The following ADGRL4 variants were observed in gnomAD, a reference collection of about 807,000 sequenced individuals.
ADGRL4 encodes the protein EGF, latrophilin and seven transmembrane domain containing 1.
ADGRL4 carries 90 observed loss-of-function variants against 74.8 expected under a neutral mutation model. The observed-to-expected ratio is 1.20, with a 90% CI of 1.02 to 1.43. The LOEUF is 1.43. Ranked by LOEUF, ADGRL4 falls within the 40% of genes most tolerant of loss-of-function variation. The pLI is 0.00. For missense variants in ADGRL4, 881 were observed against 814.3 expected (o/e 1.08, Z -1.00); for synonymous variants, 311 against 279.2 (o/e 1.11, Z -1.14).
chr1:79,005,578 CT>C (rs1374687563), intron 1 of ADGRL4, among the ~76,000 whole-genome samples: 2 of 152,148 alleles, frequency 1.3e-5, no homozygotes, highest in East Asian at 3.9e-4. Flanking sequence ...AGGGAACTGC[CT>C]GATTGTAAAG....
chr1:78,945,848 G>C (rs915512869), intron 3 of ADGRL4, among the ~76,000 whole-genome samples: 4 of 152,004 alleles, frequency 2.6e-5, no homozygotes, highest in African/African-American at 9.7e-5. Context: ...TTTTATAAAT[G>C]ATGATTGTCT....
intron 2 of ADGRL4, among the ~76,000 whole-genome samples, chr1:78,970,312 A>T (rs539561928): frequency 5.3e-4 from 81 of 152,360 alleles, no homozygotes; most frequent in African/African-American, 1.9e-3. Flanking sequence ...GCAGGTAAGC[A>T]TGGCTAATTA....
intron 12 of ADGRL4, among the ~76,000 whole-genome samples, chr1:78,906,252 AT>A (rs1648632285): frequency 6.6e-6 from 1 of 152,040 alleles, no homozygotes; most frequent in Admixed American, 6.6e-5. Flanking sequence ...CTATTTAATT[AT>A]GGCTAAAATC....
chr1:78,983,971 A>T lies in ADGRL4; in HGVS notation c.172+21099T>A, dbSNP rs1003752732. ...AACAAACACAAAATTTATCAGGTGAACTTCAGGACAAAGAATAGTGAACTC... is the reference window on the plus strand; with the variant it reads ...AACAAACACAAAATTTATCAGGTGATCTTCAGGACAAAGAATAGTGAACTC... On this transcript the variant is annotated intron_variant, in intron 2 of 14. Coordinates refer to ENST00000370742, the MANE Select transcript of ADGRL4 (RefSeq NM_022159.4). Among the ~76,000 whole-genome samples the T allele has an allele frequency of 4.6e-5, 7 of 151,938 alleles. No homozygotes were observed. The South Asian group carries it at 1.5e-3, about 31-fold the overall frequency.
intron 2 of ADGRL4, among the ~76,000 whole-genome samples, chr1:78,965,126 C>G (rs141465161): frequency 3.3e-5 from 5 of 152,186 alleles, no homozygotes; most frequent in Admixed American, 3.3e-4. Context: ...TTATAATTAT[C>G]TAGTCCAGAG....
chr1:78,906,839 G>C (rs560077125), intron 12 of ADGRL4, among the ~76,000 whole-genome samples: 1 of 152,016 alleles, frequency 6.6e-6, no homozygotes, highest in East Asian at 1.9e-4. Flanking sequence ...TAAAATTATT[G>C]CCAATTTAAT....
intron 2 of ADGRL4, among the ~76,000 whole-genome samples, chr1:78,975,454 C>G (rs1650257665): frequency 6.6e-6 from 1 of 151,980 alleles, no homozygotes; most frequent in African/African-American, 2.4e-5. Context: ...AATTATCTGT[C>G]TATCCCAACT....
In ADGRL4 at chr1:78,948,696, A is replaced by C. The variant is rs190119485; in HGVS notation, c.173-2270T>G. On this transcript the variant is annotated intron_variant, in intron 2 of 14. Transcript: ENST00000370742. ...GGCTATATATACTCAGAAAGTAGAT[A>C]TGTATGTCTATGAATGCATAAAATA... Among the ~76,000 whole-genome samples, 309 of 152,284 alleles carry C rather than the reference A, an allele frequency of 2.0e-3. 1 individual carries two copies. The highest frequency in any genetic ancestry group is 4.0e-3 in the Non-Finnish European group (270 of 67,988).
intron 2 of ADGRL4, among the ~76,000 whole-genome samples, chr1:78,960,246 A>C (rs1649922776): frequency 6.6e-6 from 1 of 152,212 alleles, no homozygotes; most frequent in Non-Finnish European, 1.5e-5. Flanking sequence ...AAAACTATTA[A>C]ATTTTGCAAA....
chr1:78,980,166 G>A (rs569581576), intron 2 of ADGRL4, among the ~76,000 whole-genome samples: 1 of 151,122 alleles, frequency 6.6e-6, no homozygotes, highest in Non-Finnish European at 1.5e-5. Flanking sequence ...TCATGCGTGT[G>A]CACACACACA....
chr1:78,938,548 A>G (rs778478333), intron 4 of ADGRL4, among the ~76,000 whole-genome samples: 3 of 152,118 alleles, frequency 2.0e-5, no homozygotes, highest in Non-Finnish European at 2.9e-5. Flanking sequence ...TGAGCTTTCA[A>G]AATAACTTCC....
At chr1:78,905,401 G>A (rs1648615094) in intron 12 of ADGRL4, among the ~76,000 whole-genome samples, 1 of 151,954 alleles carries the variant, frequency 6.6e-6, no homozygotes, top group Non-Finnish European at 1.5e-5. Flanking sequence ...GAAATTCTGG[G>A]AATTTTATGA....
chr1:78,997,377 A>C (rs917886655), intron 2 of ADGRL4, among the ~76,000 whole-genome samples: 2 of 152,142 alleles, frequency 1.3e-5, no homozygotes, highest in Non-Finnish European at 2.9e-5. Context: ...CCTCAATCTT[A>C]TGGTGGTTTT....
At chr1:78,945,172 A>AT (rs1298594624) in intron 3 of ADGRL4, among the ~76,000 whole-genome samples, 3 of 128,436 alleles carry the variant, frequency 2.3e-5, no homozygotes, top group African/African-American at 8.9e-5. Context: ...CTCAAAAAAA[A>AT]AAAAAATATA....
chr1:78,899,889 T>G (rs1450917007), intron 12 of ADGRL4, among the ~76,000 whole-genome samples: 1 of 151,978 alleles, frequency 6.6e-6, no homozygotes, highest in Non-Finnish European at 1.5e-5. Context: ...TCCAAAAAAA[T>G]GTCCACACCT....
intron 2 of ADGRL4, among the ~76,000 whole-genome samples, chr1:78,980,535 A>T (rs1322135230): frequency 6.6e-6 from 1 of 151,986 alleles, no homozygotes; most frequent in Non-Finnish European, 1.5e-5. Flanking sequence ...AATATTGTTA[A>T]AACACAATTT....
At chr1:78,999,831 TCTATCTATCTAC>T (rs1415941462) in intron 2 of ADGRL4, among the ~76,000 whole-genome samples, 210 of 147,466 alleles carry the variant, frequency 1.4e-3, no homozygotes, top group African/African-American at 4.8e-3. Context: ...TATCTATCTA[TCTATCTATCTAC>T]CTACCTACCT....
At chr1:79,003,844 T>G (rs1005142213) in intron 2 of ADGRL4, among the ~76,000 whole-genome samples, 33 of 152,040 alleles carry the variant, frequency 2.2e-4, no homozygotes, top group African/African-American at 7.5e-4. Context: ...TACAATGCCA[T>G]TCAATTAAAT....
chr1:78,983,610 A>C (rs924328835), intron 2 of ADGRL4, among the ~76,000 whole-genome samples: 19 of 151,886 alleles, frequency 1.3e-4, no homozygotes. Flanking sequence ...TAACAGAAAG[A>C]GGAACATTCA....
Sources: gnomAD v4.1 joint callset for allele counts (sites outside exome capture counted in the v4.1 genomes callset) on GRCh38, gnomAD v4.1.1 for gene constraint, MANE v1.5 for transcripts, NCBI Gene and HGNC (gene_info 2026-07-23, HGNC 2026-07-21) for gene names.